PKD1L3: variants seen among roughly 807,000 people sequenced by gnomAD.
PKD1L3 encodes the protein polycystin 1 like 3, transient receptor potential channel interacting.
PKD1L3 carries 239 observed loss-of-function variants against 184.1 expected under a neutral mutation model. The observed-to-expected ratio is 1.30, with a 90% CI of 1.17 to 1.45. The LOEUF (loss-of-function observed/expected upper bound fraction) is 1.45, where lower values mean the gene tolerates loss of function less well. PKD1L3 is among the 40% of genes most tolerant of loss of function. The pLI is 0.00. For synonymous variants in PKD1L3, 996 were observed against 778.8 expected, an observed-to-expected ratio of 1.28 and a Z score of -4.64; for missense variants, 2,660 against 2,067.2, an observed-to-expected ratio of 1.29 and a Z score of -5.56.
rs1349214047 is a variant in PKD1L3, at chr16:71,933,529, G to A, written c.4825-8C>T. 6.5e-7 allele frequency: 1 copy of A among 1,539,506 alleles called. No individual in the cohort carries two copies. The highest frequency in any genetic ancestry group is 2.0e-5 in the Admixed American group (1 of 50,984). ...TCCAAACAGCAGGTTAAACTGAACA[G>A]AAGGAGAAAGGCCAGTTAGTGCAAG... On this transcript the variant is annotated splice_region_variant and splice_polypyrimidine_tract_variant and intron_variant, in intron 27 of 29. Coordinates refer to ENST00000620267, the MANE Select transcript of PKD1L3 (RefSeq NM_181536.2).
intron 18 of PKD1L3, among the ~76,000 whole-genome samples, chr16:71,952,381 T>A (rs557556393): frequency 6.6e-6 from 1 of 151,242 alleles, no homozygotes; most frequent in African/African-American, 2.4e-5. Context: ...CCTGGCTAAT[T>A]ATTATTTTTT....
chr16:71,961,204 G>A (rs1282599891), intron 16 of PKD1L3, among the ~76,000 whole-genome samples: 1 of 152,018 alleles, frequency 6.6e-6, no homozygotes, highest in African/African-American at 2.4e-5. Flanking sequence ...TCAGCTCACT[G>A]CAGCCTTGAC....
intron 12 of PKD1L3, 140 bp downstream of exon 12, chr16:71,973,184 C>T (rs759255924): frequency 4.1e-5 from 42 of 1,028,190 alleles, no homozygotes; most frequent in Non-Finnish European, 5.4e-5. Flanking sequence ...AACCCTCCTC[C>T]CTCCTTTTGC....
In PKD1L3 at chr16:71,933,921, G is replaced by T. The variant is rs1375313650; in HGVS notation, c.4818C>A (p.Ala1606=). The T allele has an allele frequency of 1.3e-6, 2 of 1,551,220 alleles. No homozygotes were observed. The highest frequency in any genetic ancestry group is 3.9e-5 in the Admixed American group (2 of 50,984). ...CAGCAACGTGGGGGCTTACGGCAAT[G>T]GCATAGCCTGTCAGCAGGATTAGGA... ...LIILILLTGY[A]IAFNLLFGCS... Residue 1606 remains alanine, a synonymous_variant, in exon 27 of 30, where the codon GCC becomes GCA. Coordinates refer to ENST00000620267, the MANE Select transcript of PKD1L3 (RefSeq NM_181536.2).
At chr16:71,984,900 C>G (rs1216521553) in intron 5 of PKD1L3, among the ~76,000 whole-genome samples, 1 of 152,140 alleles carries the variant, frequency 6.6e-6, no homozygotes, top group Non-Finnish European at 1.5e-5. Context: ...CTTAAAATGA[C>G]TCATAGCAAG....
At chr16:71,934,880 G>A (rs1166958409) in intron 26 of PKD1L3, among the ~76,000 whole-genome samples, 1 of 152,196 alleles carries the variant, frequency 6.6e-6, no homozygotes, top group Non-Finnish European at 1.5e-5. Flanking sequence ...GGGAAACATA[G>A]ATGTTCCTCT....
intron 12 of PKD1L3, 76 bp from the exon 13 acceptor site, chr16:71,970,181 C>A: frequency 3.5e-6 from 4 of 1,137,524 alleles, no homozygotes; most frequent in Non-Finnish European, 3.8e-6. Flanking sequence ...CAAACACCAG[C>A]AATTTAGAGA....
intron 7 of PKD1L3, among the ~76,000 whole-genome samples, chr16:71,981,535 C>CTTTTTTTT (rs543488508): frequency 1.9e-5 from 2 of 105,090 alleles, no homozygotes; most frequent in Admixed American, 1.1e-4. Flanking sequence ...TTCCTAAATT[C>CTTTTTTTT]TTTTTTTTTT....
At chr16:71,956,667 G>A (rs146858870) in intron 16 of PKD1L3, among the ~76,000 whole-genome samples, 110 of 152,240 alleles carry the variant, frequency 7.2e-4, no homozygotes, top group Non-Finnish European at 1.3e-3. Context: ...GGGTTGGAAG[G>A]GGGAGGGAAC....
chr16:71,940,337 G>T (rs147683791), intron 24 of PKD1L3, among the ~76,000 whole-genome samples: 1 of 152,200 alleles, frequency 6.6e-6, no homozygotes, highest in East Asian at 1.9e-4. Flanking sequence ...TGCATGGTGA[G>T]ACACTTCCCA....
intron 4 of PKD1L3, among the ~76,000 whole-genome samples, chr16:71,987,943 T>C (rs943738104): frequency 6.6e-6 from 1 of 152,054 alleles, no homozygotes; most frequent in African/African-American, 2.4e-5. Flanking sequence ...AGAGGAGTGA[T>C]GGTGGCAGGA....
At chr16:71,989,967 TG>T (rs2040524060) in intron 4 of PKD1L3, among the ~76,000 whole-genome samples, 1 of 151,404 alleles carries the variant, frequency 6.6e-6, no homozygotes, top group South Asian at 2.1e-4. Flanking sequence ...CCCAGCTACT[TG>T]GGAGGCTGAG....
At chr16:71,992,348 T>C (rs765196692) in intron 3 of PKD1L3, among the ~76,000 whole-genome samples, 1 of 152,210 alleles carries the variant, frequency 6.6e-6, no homozygotes, top group Admixed American at 6.5e-5. Flanking sequence ...AATAGTCAAA[T>C]GTCTATTTAA....
chr16:71,967,863 G>A (rs372982461), intron 14 of PKD1L3, 43 bp downstream of exon 14: 19 of 1,452,084 alleles, frequency 1.3e-5, no homozygotes, highest in African/African-American at 2.8e-5. Flanking sequence ...GTCTCATGTG[G>A]CAGAAGACAC....
chr16:71,955,778 G>A (rs957997379), intron 16 of PKD1L3, among the ~76,000 whole-genome samples: 4 of 152,112 alleles, frequency 2.6e-5, no homozygotes, highest in African/African-American at 9.7e-5. Context: ...TTGTGATCGT[G>A]AGCGAGTTCT....
At chr16:71,979,700 A>G (rs554169637) in intron 9 of PKD1L3, 86 bp downstream of exon 9, 233 of 1,415,016 alleles carry the variant, frequency 1.6e-4, no homozygotes, top group Middle Eastern at 3.7e-4. Context: ...TTCAGTTTAC[A>G]TTTCATGATA....
intron 3 of PKD1L3, among the ~76,000 whole-genome samples, chr16:71,991,470 T>C (rs1039669865): frequency 2.0e-5 from 3 of 152,110 alleles, no homozygotes; most frequent in African/African-American, 7.2e-5. Flanking sequence ...AAAAAAATAC[T>C]GTAGAAAAAT....
At chr16:71,961,733 C>T (rs2039288820) in intron 16 of PKD1L3, among the ~76,000 whole-genome samples, 1 of 152,138 alleles carries the variant, frequency 6.6e-6, no homozygotes, top group Non-Finnish European at 1.5e-5. Context: ...CCAGCCATGG[C>T]CTCACTGAAT....
chr16:71,981,947 G>A, intron 7 of PKD1L3, 112 bp downstream of exon 7: 2 of 1,210,878 alleles, frequency 1.7e-6, no homozygotes, highest in South Asian at 1.9e-5. Context: ...TTCTGCAGCA[G>A]AAACTTCAGC....
Sources: allele counts gnomAD v4.1 joint callset (sites outside exome capture counted in the v4.1 genomes callset), GRCh38; gene constraint gnomAD v4.1.1; transcripts MANE v1.5; gene names NCBI Gene and HGNC (gene_info 2026-07-23, HGNC 2026-07-21).